The following ZFR variants were observed in gnomAD, a reference collection of about 807,000 sequenced individuals.
ZFR encodes the protein zinc finger RNA-binding protein.
Under a neutral mutation model 130.7 loss-of-function variants are expected in ZFR, and 19 were observed. That is an observed-to-expected ratio of 0.15 (90% CI 0.10 to 0.21). ZFR has a LOEUF of 0.21. Ranked by LOEUF, ZFR falls within the 10% of genes least tolerant of loss-of-function variation. ZFR has a pLI of 1.00. For missense variants in ZFR, 872 were observed against 1,321.5 expected, an observed-to-expected ratio of 0.66 and a Z score of 5.27; for synonymous variants, 466 against 456.9, an observed-to-expected ratio of 1.02 and a Z score of -0.25.
Position 32,409,293 on chromosome 5 carries a change from T to A in ZFR, c.785-2272A>T, listed in dbSNP as rs937047313. Among the ~76,000 whole-genome samples the A allele has an allele frequency of 2.0e-5, 3 of 152,308 alleles. 1 individual carries two copies. The highest frequency in any genetic ancestry group is 2.0e-4 in the Admixed American group (3 of 15,308). ...ATAAGTAAAATCCACAGCTTTCAAATTTAAAACGTTCTCTTAAATACATTA... is the reference window on the plus strand; with the variant it reads ...ATAAGTAAAATCCACAGCTTTCAAAATTAAAACGTTCTCTTAAATACATTA... On this transcript the variant is annotated intron_variant, in intron 5 of 19. Transcript: ENST00000265069.
intron 19 of ZFR, among the ~76,000 whole-genome samples, chr5:32,359,202 A>G (rs1581674417): frequency 6.6e-6 from 1 of 152,258 alleles, no homozygotes; most frequent in East Asian, 1.9e-4. Context: ...AAATAAAACC[A>G]AAAAACCCCT....
intron 5 of ZFR, among the ~76,000 whole-genome samples, chr5:32,409,464 G>A (rs1445669932): frequency 6.7e-6 from 1 of 150,372 alleles, no homozygotes. Context: ...GGGGTGCAGT[G>A]GCGCAATCTC....
intron 17 of ZFR, among the ~76,000 whole-genome samples, chr5:32,373,413 A>T (rs1408874208): frequency 1.3e-5 from 2 of 152,134 alleles, no homozygotes; most frequent in Non-Finnish European, 2.9e-5. Flanking sequence ...TGGGGAAATA[A>T]AATTCCCTCA....
intron 5 of ZFR, among the ~76,000 whole-genome samples, chr5:32,413,658 A>C (rs934215808): frequency 6.6e-6 from 1 of 152,178 alleles, no homozygotes; most frequent in Non-Finnish European, 1.5e-5. Context: ...ATTTTGTTGA[A>C]GCTAATGTGG....
intron 17 of ZFR, among the ~76,000 whole-genome samples, chr5:32,370,625 C>T (rs750348003): frequency 2.6e-5 from 4 of 152,158 alleles, no homozygotes; most frequent in Non-Finnish European, 4.4e-5. Flanking sequence ...GACCTTCCCA[C>T]CTTGGCTTCC....
intron 19 of ZFR, among the ~76,000 whole-genome samples, chr5:32,356,443 C>T (rs1375262239): frequency 3.9e-5 from 6 of 152,278 alleles, no homozygotes; most frequent in Admixed American, 2.0e-4. Context: ...GACAGAGTCT[C>T]GCTCTGTTGC....
intron 14 of ZFR, among the ~76,000 whole-genome samples, chr5:32,387,092 CAAT>C (rs1753060173): frequency 6.6e-6 from 1 of 152,012 alleles, no homozygotes; most frequent in Non-Finnish European, 1.5e-5. Flanking sequence ...AAAATATTCA[CAAT>C]AAAACTGGGG....
At chr5:32,412,782 A>T (rs1483360230) in intron 5 of ZFR, among the ~76,000 whole-genome samples, 1 of 152,228 alleles carries the variant, frequency 6.6e-6, no homozygotes, top group Non-Finnish European at 1.5e-5. Flanking sequence ...AGCCTTTAAG[A>T]GAAAGGAGAG....
intron 2 of ZFR, among the ~76,000 whole-genome samples, chr5:32,433,049 A>C (rs1754257954): frequency 6.6e-6 from 1 of 152,066 alleles, no homozygotes; most frequent in Non-Finnish European, 1.5e-5. Flanking sequence ...TTCTTCTTAA[A>C]CACTAGAATA....
chr5:32,439,220 T>C (rs932463589), intron 2 of ZFR, among the ~76,000 whole-genome samples: 1 of 152,206 alleles, frequency 6.6e-6, no homozygotes, highest in Admixed American at 6.5e-5. Context: ...TTGATGTTAT[T>C]AGTCGTTGCA....
At chr5:32,384,830 T>A (rs899300316) in intron 15 of ZFR, among the ~76,000 whole-genome samples, 2 of 152,108 alleles carry the variant, frequency 1.3e-5, no homozygotes, top group African/African-American at 4.8e-5. Context: ...AGTTGTAAAT[T>A]AAGTTTAAAA....
chr5:32,395,345 A>G (rs1244681876), intron 10 of ZFR, 41 bp from the exon 11 acceptor site: 3 of 1,412,014 alleles, frequency 2.1e-6, no homozygotes, highest in Non-Finnish European at 1.9e-6. Flanking sequence ...AGCAGCCCCA[A>G]AACAATCTAC....
chr5:32,379,792 A>G lies in ZFR; in HGVS notation c.2739+283T>C, dbSNP rs1336022771. 11 of 278,626 alleles carry G rather than the reference A, an allele frequency of 3.9e-5. No homozygotes were observed. The Admixed American group carries it at 5.1e-4, about 13-fold the overall frequency. The allele number at this position is 278,626 out of a possible 1,614,324, so 17.3% of individuals were successfully genotyped here. On this transcript the variant is annotated intron_variant, in intron 16 of 19. Transcript: ENST00000265069. ...TATAATATATATACACAAACATGTG[A>G]TGTTCCTAAACAAGTCAACTTTAAA...
At chr5:32,415,523 C>CGCAT (rs1554073624) in intron 4 of ZFR, among the ~76,000 whole-genome samples, 7 of 132,036 alleles carry the variant, frequency 5.3e-5, no homozygotes, top group Non-Finnish European at 9.9e-5. Flanking sequence ...TGTGCGCGCG[C>CGCAT]GCGCGCGCGC....
intron 11 of ZFR, 91 bp from the exon 12 acceptor site, chr5:32,390,528 C>A: frequency 7.8e-7 from 1 of 1,274,208 alleles, no homozygotes; most frequent in Non-Finnish European, 1.1e-6. Flanking sequence ...AATAAAAAAC[C>A]CCACCAACAT....
At chr5:32,392,310 G>A (rs1301188662) in intron 11 of ZFR, among the ~76,000 whole-genome samples, 1 of 152,104 alleles carries the variant, frequency 6.6e-6, no homozygotes, top group Non-Finnish European at 1.5e-5. Flanking sequence ...AGTGAAAGAG[G>A]AAAGCACTGT....
At chr5:32,419,340 A>G (rs1229110846) in intron 3 of ZFR, among the ~76,000 whole-genome samples, 1 of 151,808 alleles carries the variant, frequency 6.6e-6, no homozygotes, top group Non-Finnish European at 1.5e-5. Flanking sequence ...CATTGCAAGG[A>G]ATTTTTTTTT....
At chr5:32,395,375 A>G (rs781385051) in intron 10 of ZFR, 71 bp from the exon 11 acceptor site, 34 of 1,224,862 alleles carry the variant, frequency 2.8e-5, no homozygotes, top group Non-Finnish European at 8.6e-6. Flanking sequence ...TAATCATACA[A>G]TTACACTTAT....
At chr5:32,374,417 C>T (rs1333561833) in intron 17 of ZFR, among the ~76,000 whole-genome samples, 6 of 151,980 alleles carry the variant, frequency 3.9e-5, no homozygotes, top group South Asian at 4.2e-4. Context: ...GCAGGAGAAT[C>T]GCTTGAACCT....
Sources: allele counts gnomAD v4.1 joint callset (sites outside exome capture counted in the v4.1 genomes callset), GRCh38; gene constraint gnomAD v4.1.1; transcripts MANE v1.5; gene names NCBI Gene and HGNC (gene_info 2026-07-23, HGNC 2026-07-21).